CADM2: variants seen among roughly 807,000 people sequenced by gnomAD.
The protein encoded by CADM2 is cell adhesion molecule 2.
CADM2 carries 12 observed loss-of-function variants against 49.8 expected under a neutral mutation model. The ratio of observed to expected loss-of-function variants is 0.24; its 90% confidence interval spans 0.15 to 0.39. The LOEUF (loss-of-function observed/expected upper bound fraction) is 0.39. Ranked by LOEUF, CADM2 falls within the 10% of genes least tolerant of loss-of-function variation. The probability of loss-of-function intolerance (pLI) is 1.00; values close to 1 mark genes in which losing one functional copy is unlikely to be tolerated. For synonymous variants in CADM2, 214 were observed against 175.4 expected (o/e 1.22, Z -1.74); for missense variants, 378 against 492.3 (o/e 0.77, Z 2.20).
chr3:86,030,044 G>A (rs529864278), intron 8 of CADM2, among the ~76,000 whole-genome samples: 13 of 152,098 alleles, frequency 8.5e-5, no homozygotes, highest in South Asian at 2.1e-4. Flanking sequence ...GTAGGTTAAG[G>A]AAGGGGGATC....
chr3:85,293,966 G>A (rs1325216055), intron 1 of CADM2, among the ~76,000 whole-genome samples: 3 of 152,036 alleles, frequency 2.0e-5, no homozygotes, highest in Non-Finnish European at 4.4e-5. Flanking sequence ...AGGAAATGAA[G>A]GGTATTCAGT....
chr3:85,496,080 C>A (rs2039879194), intron 1 of CADM2, among the ~76,000 whole-genome samples: 1 of 152,044 alleles, frequency 6.6e-6, no homozygotes. Context: ...TTCAGGGGTA[C>A]ACGTTCAGGT....
At chr3:85,633,966 C>T (rs1388556702) in intron 1 of CADM2, among the ~76,000 whole-genome samples, 3 of 151,904 alleles carry the variant, frequency 2.0e-5, no homozygotes, top group African/African-American at 7.2e-5. Context: ...TATGAACCCC[C>T]AAGGAAACAT....
intron 2 of CADM2, among the ~76,000 whole-genome samples, chr3:85,738,908 A>T (rs1184127165): frequency 6.6e-6 from 1 of 152,166 alleles, no homozygotes; most frequent in Non-Finnish European, 1.5e-5. Context: ...TGTTGAGTTT[A>T]TGTGTAAGGC....
intron 1 of CADM2, among the ~76,000 whole-genome samples, chr3:85,679,267 TA>T (rs1559588294): frequency 6.6e-6 from 1 of 151,790 alleles, no homozygotes; most frequent in African/African-American, 2.4e-5. Flanking sequence ...AATGAAAAAA[TA>T]GGAGTTCACA....
At chr3:85,927,213 T>G (rs1303478024) in intron 6 of CADM2, among the ~76,000 whole-genome samples, 1 of 152,202 alleles carries the variant, frequency 6.6e-6, no homozygotes, top group Non-Finnish European at 1.5e-5. Context: ...AATCAGTAGT[T>G]GGAAAATATT....
chr3:85,934,183 A>G (rs972683424), intron 6 of CADM2, among the ~76,000 whole-genome samples: 1 of 152,092 alleles, frequency 6.6e-6, no homozygotes, highest in Non-Finnish European at 1.5e-5. Context: ...CATGGGGAAA[A>G]TAAATGTTGC....
chr3:85,568,443 CTTTCTTTCTT>C (rs2062350756), intron 1 of CADM2, among the ~76,000 whole-genome samples: 5 of 34,852 alleles, frequency 1.4e-4, no homozygotes, highest in Non-Finnish European at 2.9e-4. Flanking sequence ...TTCTTTCTTT[CTTTCTTTCTT>C]TCTTTCTTTC....
intron 1 of CADM2, among the ~76,000 whole-genome samples, chr3:85,432,414 T>A (rs2036723952): frequency 6.6e-6 from 1 of 151,958 alleles, no homozygotes; most frequent in South Asian, 2.1e-4. Context: ...TCTGCAAAAA[T>A]TACCAATTTT....
At chr3:85,449,759 G>T (rs2037669402) in intron 1 of CADM2, among the ~76,000 whole-genome samples, 1 of 152,066 alleles carries the variant, frequency 6.6e-6, no homozygotes, top group Non-Finnish European at 1.5e-5. Context: ...GGAAACTTTA[G>T]ACATCAAATA....
chr3:85,727,150 A>C (rs2067734775), intron 2 of CADM2, among the ~76,000 whole-genome samples: 1 of 152,244 alleles, frequency 6.6e-6, no homozygotes, highest in East Asian at 1.9e-4. Flanking sequence ...AAAAATTCAA[A>C]TACATGTATG....
intron 1 of CADM2, among the ~76,000 whole-genome samples, chr3:85,211,998 T>C (rs188780172): frequency 4.0e-4 from 61 of 152,304 alleles, no homozygotes; most frequent in Non-Finnish European, 6.9e-4. Flanking sequence ...TCATATCCTC[T>C]TGTTGAATTG....
intron 1 of CADM2, among the ~76,000 whole-genome samples, chr3:84,979,336 ATATT>A (rs757824470): frequency 2.6e-5 from 4 of 152,284 alleles, no homozygotes; most frequent in African/African-American, 7.2e-5. Flanking sequence ...ATTAATGTGT[ATATT>A]TATATATTGG....
intron 1 of CADM2, among the ~76,000 whole-genome samples, chr3:85,499,118 GT>G (rs1166297312): frequency 1.3e-5 from 2 of 152,052 alleles, no homozygotes; most frequent in Non-Finnish European, 2.9e-5. Context: ...CTGCAATAGT[GT>G]TTTTTGACTA....
chr3:85,088,951 G>A (rs1425524039), intron 1 of CADM2, among the ~76,000 whole-genome samples: 1 of 151,978 alleles, frequency 6.6e-6, no homozygotes, highest in African/African-American at 2.4e-5. Flanking sequence ...GTGTTTAGTA[G>A]GCACGGGAAG....
chr3:85,294,429 G>GA (rs568841206), intron 1 of CADM2, among the ~76,000 whole-genome samples: 1 of 151,606 alleles, frequency 6.6e-6, no homozygotes, highest in East Asian at 1.9e-4. Flanking sequence ...CACAGAATTG[G>GA]AAAAAACTAC....
chr3:85,282,664 T>C (rs1030068345), intron 1 of CADM2, among the ~76,000 whole-genome samples: 4 of 152,090 alleles, frequency 2.6e-5, no homozygotes, highest in African/African-American at 9.7e-5. Flanking sequence ...TTTCACATAT[T>C]GCTGTTGCAA....
At chr3:85,259,168 A>G (rs2042957006) in intron 1 of CADM2, among the ~76,000 whole-genome samples, 1 of 152,154 alleles carries the variant, frequency 6.6e-6, no homozygotes, top group African/African-American at 2.4e-5. Flanking sequence ...CATTTAGTAA[A>G]TAGCAATCAC....
At chr3:85,826,695 A>G (rs2073929860) in intron 3 of CADM2, among the ~76,000 whole-genome samples, 1 of 151,922 alleles carries the variant, frequency 6.6e-6, no homozygotes, top group South Asian at 2.1e-4. Flanking sequence ...AAGATTTACA[A>G]CCATATTGGT....
Sources: gnomAD v4.1 joint callset for allele counts (sites outside exome capture counted in the v4.1 genomes callset) on GRCh38, gnomAD v4.1.1 for gene constraint, MANE v1.5 for transcripts, NCBI Gene and HGNC (gene_info 2026-07-23, HGNC 2026-07-21) for gene names.